Variants in AK2 observed in about 807,000 individuals in gnomAD.
AK2 encodes the protein adenylate kinase 2, mitochondrial.
A neutral mutation model predicts 24.6 loss-of-function variants in AK2; 15 were observed. The ratio of observed to expected loss-of-function variants is 0.61; its 90% confidence interval spans 0.41 to 0.94. The LOEUF (loss-of-function observed/expected upper bound fraction) is 0.94, where lower values mean the gene tolerates loss of function less well. AK2 is among the 40% of genes least tolerant of loss of function. The probability of loss-of-function intolerance (pLI) is 0.00; values close to 1 mark genes in which losing one functional copy is unlikely to be tolerated. For missense variants in AK2, 257 were observed against 304.1 expected, an observed-to-expected ratio of 0.85 and a Z score of 1.15; for synonymous variants, 102 against 114.0, an observed-to-expected ratio of 0.90 and a Z score of 0.67.
At position 33,023,230 on chromosome 1, in the gene AK2, T is replaced by C. The variant is rs148660131; in HGVS notation, c.219+1212A>G. On this transcript the variant is annotated intron_variant, in intron 2 of 5. Coordinates refer to ENST00000672715, the MANE Select transcript of AK2 (RefSeq NM_001625.4). ...ATCTTTGATTAGTGCCAGAAAATAA[T>C]AGATTGTATTTGTCCAATCAGGTCA... Among the ~76,000 whole-genome samples, 4 of 152,264 alleles carry C rather than the reference T, an allele frequency of 2.6e-5. No homozygotes were observed. The East Asian group carries it at 7.7e-4, about 29-fold the overall frequency.
At chr1:33,031,776 T>C (rs12095142) in intron 1 of AK2, 5,651 of 433,146 alleles carry the variant, frequency 0.013, 96 homozygotes, top group African/African-American at 0.054. Context: ...CCTCGAAGAA[T>C]TGGGCATAAG....
chr1:33,026,685 G>A (rs181815637), intron 1 of AK2, among the ~76,000 whole-genome samples: 19 of 152,018 alleles, frequency 1.2e-4, no homozygotes, highest in Non-Finnish European at 2.2e-4. Flanking sequence ...GCGCATGCCT[G>A]TAGTCCCAGC....
intron 1 of AK2, among the ~76,000 whole-genome samples, chr1:33,030,169 C>G (rs192968790): frequency 6.6e-6 from 1 of 152,338 alleles, no homozygotes; most frequent in East Asian, 1.9e-4. Context: ...AATGCCTCTC[C>G]AAGGACCTCA....
chr1:33,036,642 C>T, intron 1 of AK2, 94 bp downstream of exon 1: 1 of 1,232,224 alleles, frequency 8.1e-7, no homozygotes, highest in African/African-American at 1.5e-5. Context: ...TAGTCCCCGG[C>T]CCGCTCCGGG....
chr1:33,035,012 A>G (rs558373854), intron 1 of AK2, among the ~76,000 whole-genome samples: 5 of 152,220 alleles, frequency 3.3e-5, no homozygotes, highest in African/African-American at 9.6e-5. Flanking sequence ...ACAGAGTGAG[A>G]CCCTGTCTCA....
Position 33,011,875 on chromosome 1 carries a change from A to G in AK2, c.*1306T>C, listed in dbSNP as rs1199325695. 1.3e-5 allele frequency: 20 copies of G among 1,528,252 alleles called. No homozygotes were observed. In the South Asian group the frequency reaches 2.4e-4, roughly 18 times the overall value. 94.7% of individuals were successfully genotyped at this position (1,528,252 alleles called of 1,614,324 possible). ...AAGTCCATGGCTATAGCCATCATAA[A>G]ATTAGGGGTGAAGGGTTGGATCTAG... On this transcript the variant is annotated 3_prime_UTR_variant, in exon 6 of 6. Coordinates refer to ENST00000672715, the MANE Select transcript of AK2 (RefSeq NM_001625.4).
chr1:33,033,031 C>T (rs1327762084), intron 1 of AK2, among the ~76,000 whole-genome samples: 6 of 151,948 alleles, frequency 3.9e-5, no homozygotes, highest in African/African-American at 1.2e-4. Context: ...GGTGTGGTGG[C>T]AGGCACCTGT....
Position 33,008,816 on chromosome 1 carries a change from C to A in AK2, c.*4365G>T. On this transcript the variant is annotated 3_prime_UTR_variant, in exon 6 of 6. Transcript: ENST00000672715. ...GTCTTCCGGGAGTGGTAGGACTAGT[C>A]TGCATTCTTGGTTTGCAGATTAGAT... 2.2e-6 allele frequency: 1 copy of A among 454,088 alleles called. No individual in the cohort carries two copies. The highest frequency in any genetic ancestry group is 1.6e-5 in the South Asian group (1 of 64,478). 28.1% of individuals were successfully genotyped at this position (454,088 alleles called of 1,614,324 possible). A position where few individuals can be genotyped will look rare whatever the true frequency, so the allele number is the denominator to read the frequency against.
intron 1 of AK2, among the ~76,000 whole-genome samples, chr1:33,034,322 C>T (rs980370389): frequency 1.6e-4 from 24 of 152,014 alleles, no homozygotes; most frequent in African/African-American, 5.8e-4. Flanking sequence ...CTGAATAAAT[C>T]ATGTCTTACA....
chr1:33,033,781 T>C (rs1640397910), intron 1 of AK2, among the ~76,000 whole-genome samples: 1 of 152,220 alleles, frequency 6.6e-6, no homozygotes, highest in East Asian at 1.9e-4. Flanking sequence ...TCTTCTTTTG[T>C]GTATTCAAAA....
rs773082546 is a variant in AK2, at chr1:33,012,839, C to T, written c.*342G>A. 200 of 1,261,798 alleles carry T rather than the reference C, an allele frequency of 1.6e-4. No homozygotes were observed. The highest frequency in any genetic ancestry group is 2.0e-4 in the Non-Finnish European group (188 of 962,310). The allele number at this position is 1,261,798 out of a possible 1,614,324, so 78.2% of individuals were successfully genotyped here. ...TTGAGCCCCAGGAGGCAGAGGTTGC[C>T]GTGAGCCAAGATCACGCCACTGCAC... On this transcript the variant is annotated 3_prime_UTR_variant, in exon 6 of 6. Transcript: ENST00000672715.
At chr1:33,028,110 A>G (rs973198265) in intron 1 of AK2, among the ~76,000 whole-genome samples, 1 of 152,252 alleles carries the variant, frequency 6.6e-6, no homozygotes, top group Admixed American at 6.5e-5. Context: ...CAGGCTGCAG[A>G]AACCTAATGA....
intron 1 of AK2, among the ~76,000 whole-genome samples, chr1:33,026,987 G>A (rs1437268600): frequency 2.0e-5 from 3 of 151,790 alleles, no homozygotes; most frequent in South Asian, 2.1e-4. Flanking sequence ...TTAGCTGGGC[G>A]TGCTGGCACG....
At chr1:33,023,885 A>G (rs1639703199) in intron 2 of AK2, among the ~76,000 whole-genome samples, 1 of 152,200 alleles carries the variant, frequency 6.6e-6, no homozygotes, top group Admixed American at 6.5e-5. Flanking sequence ...AAAAAGTCTT[A>G]CAAGGCCAAG....
At chr1:33,013,438 T>G in intron 5 of AK2, 36 bp from the exon 6 acceptor site, 1 of 1,595,660 alleles carries the variant, frequency 6.3e-7, no homozygotes, top group Non-Finnish European at 8.5e-7. Flanking sequence ...AGGCTGGGAC[T>G]GTTAGCAAGG....
chr1:33,015,748 C>T (rs1355741792), intron 4 of AK2, among the ~76,000 whole-genome samples: 1 of 152,016 alleles, frequency 6.6e-6, no homozygotes, highest in African/African-American at 2.4e-5. Flanking sequence ...AAAAATTTAG[C>T]TGGGTGGCAG....
chr1:33,036,808 C>G lies in AK2; in HGVS notation c.21G>C (p.Ala7=), dbSNP rs943611895. ...TGCCTTTAGGATACTCGGGTTCTGC[C>G]GCTGGCACGCTGGGAGCCATGTCCG... The part of the protein sequence containing the change: MAPSVP[A]AEPEYPKGIR... Residue 7 remains alanine (A), a synonymous_variant, in exon 1 of 6, where the codon GCG becomes GCC. Coordinates refer to ENST00000672715, the MANE Select transcript of AK2 (RefSeq NM_001625.4). The G allele has an allele frequency of 6.3e-7, 1 of 1,594,300 alleles. No individual in the cohort carries two copies. Among genetic ancestry groups the G allele is most frequent in the African/African-American group, 1.3e-5 (1 of 74,686 alleles).
chr1:33,034,879 T>C (rs748603960), intron 1 of AK2, among the ~76,000 whole-genome samples: 39 of 152,000 alleles, frequency 2.6e-4, no homozygotes, highest in Non-Finnish European at 4.9e-4. Flanking sequence ...CAAGACCCTG[T>C]CTCTACAAAA....
intron 1 of AK2, among the ~76,000 whole-genome samples, chr1:33,026,424 A>G (rs1639888156): frequency 1.3e-5 from 2 of 152,244 alleles, no homozygotes; most frequent in Admixed American, 6.5e-5. Flanking sequence ...TAAAAGGTAC[A>G]TAGATAGGGC....
Sources: allele counts gnomAD v4.1 joint callset (sites outside exome capture counted in the v4.1 genomes callset), GRCh38; gene constraint gnomAD v4.1.1; transcripts MANE v1.5; gene names NCBI Gene and HGNC (gene_info 2026-07-23, HGNC 2026-07-21).